Variants in ATP8A1 observed in about 807,000 individuals in gnomAD.
ATP8A1 encodes the protein phospholipid-transporting ATPase IA.
ATP8A1 carries 90 observed loss-of-function variants against 177.7 expected under a neutral mutation model. The ratio of observed to expected loss-of-function variants is 0.51; its 90% CI spans 0.43 to 0.60. The LOEUF (loss-of-function observed/expected upper bound fraction) is 0.60, where lower values mean the gene tolerates loss of function less well. Among genes scored for constraint, ATP8A1 ranks in the 20% least tolerant of loss-of-function variants. The pLI, the probability that ATP8A1 is intolerant of heterozygous loss-of-function variation, is 0.00. For synonymous variants in ATP8A1, 493 were observed against 485.9 expected, an observed-to-expected ratio of 1.01 and a Z score of -0.19; for missense variants, 1,072 against 1,392.8, an observed-to-expected ratio of 0.77 and a Z score of 3.67.
At chr4:42,534,302 A>G (rs1410618467) in intron 20 of ATP8A1, among the ~76,000 whole-genome samples, 2 of 152,202 alleles carry the variant, frequency 1.3e-5, no homozygotes, top group African/African-American at 4.8e-5. Flanking sequence ...AAAAATCTCC[A>G]GTGAAACAGA....
At chr4:42,646,681 G>A (rs1468441619) in intron 1 of ATP8A1, among the ~76,000 whole-genome samples, 1 of 152,148 alleles carries the variant, frequency 6.6e-6, no homozygotes. Flanking sequence ...CAGAACCCAG[G>A]CTGGCTTTGG....
At chr4:42,553,850 G>A (rs1212268355) in intron 16 of ATP8A1, among the ~76,000 whole-genome samples, 2 of 152,192 alleles carry the variant, frequency 1.3e-5, no homozygotes, top group East Asian at 1.9e-4. Context: ...TGACTTGAGC[G>A]AGTCTGTGGT....
chr4:42,460,071 G>A (rs966676789), intron 27 of ATP8A1, among the ~76,000 whole-genome samples: 3 of 152,146 alleles, frequency 2.0e-5, no homozygotes, highest in East Asian at 3.9e-4. Flanking sequence ...GATTACAGGC[G>A]TGAGCCACTG....
Position 42,578,403 on chromosome 4 carries a change from G to A in ATP8A1, c.1001-16C>T. ...GCGCCACCATCTGTTGGGAGAGGCA[G>A]GAAGAACGTCATTTACAGTTTTATA... On this transcript the variant is annotated splice_polypyrimidine_tract_variant and intron_variant, in intron 11 of 36. Coordinates refer to ENST00000381668, the MANE Select transcript of ATP8A1 (RefSeq NM_006095.2). 2 of 1,604,282 alleles carry A rather than the reference G, an allele frequency of 1.2e-6. No homozygotes were observed. Among genetic ancestry groups the A allele is most frequent in the East Asian group, 2.2e-5 (1 of 44,612 alleles).
chr4:42,467,112 A>AT (rs1183214374), intron 25 of ATP8A1, among the ~76,000 whole-genome samples: 1 of 152,198 alleles, frequency 6.6e-6, no homozygotes, highest in Non-Finnish European at 1.5e-5. Context: ...GACATTAGTG[A>AT]TTTTTAAAAA....
chr4:42,598,323 A>G lies in ATP8A1; in HGVS notation c.450+2155T>C, dbSNP rs572441532. Among the ~76,000 whole-genome samples, 192 of 152,252 alleles carry G rather than the reference A, an allele frequency of 1.3e-3. 1 individual carries two copies. Among genetic ancestry groups the G allele is most frequent in the Middle Eastern group, 3.4e-3 (1 of 294 alleles). On this transcript the variant is annotated intron_variant, in intron 6 of 36. Coordinates refer to ENST00000381668, the MANE Select transcript of ATP8A1 (RefSeq NM_006095.2). ...ATTTTTGCCTCCTTTTTCAAATATT[A>G]AACAGGCCTTATTTCAGGGCACTAT...
At chr4:42,481,470 T>C (rs1226910957) in intron 25 of ATP8A1, among the ~76,000 whole-genome samples, 3 of 152,234 alleles carry the variant, frequency 2.0e-5, no homozygotes, top group Non-Finnish European at 4.4e-5. Flanking sequence ...TTCCATCAGA[T>C]ACCCAAACTG....
At chr4:42,617,622 T>C (rs1737050242) in intron 4 of ATP8A1, among the ~76,000 whole-genome samples, 2 of 152,170 alleles carry the variant, frequency 1.3e-5, no homozygotes, top group Admixed American at 1.3e-4. Flanking sequence ...ATTTAGATAT[T>C]CAAAGGAGGC....
chr4:42,485,593 T>C lies in ATP8A1; in HGVS notation c.2227A>G (p.Ile743Val). The C allele has an allele frequency of 1.2e-6, 2 of 1,613,790 alleles. No individual in the cohort carries two copies. Among genetic ancestry groups the C allele is most frequent in the East Asian group, 2.2e-5 (1 of 44,858 alleles). The change falls in exon 25 of 37, where the codon ATA becomes GTA. Residue 743 changes from isoleucine (I) to valine (V), a missense_variant. Ile to Val is a conservative substitution (Grantham distance 29). Coordinates refer to ENST00000381668, the MANE Select transcript of ATP8A1 (RefSeq NM_006095.2). Reference protein sequence around the residue: ...ALRKENDFALIIDGKTLKYAL... With the variant: ...ALRKENDFALVIDGKTLKYAL... ...TATTTGAGGGTTTTCCCATCAATTA[T>C]AAGAGCAAAATCATTCTCTTTCCGG...
chr4:42,563,502 G>T (rs1245558096), intron 15 of ATP8A1, among the ~76,000 whole-genome samples: 2 of 152,240 alleles, frequency 1.3e-5, no homozygotes, highest in East Asian at 3.8e-4. Context: ...GCTGACTGCA[G>T]AAATTTGCAT....
At chr4:42,549,604 T>A (rs1181752361) in intron 18 of ATP8A1, among the ~76,000 whole-genome samples, 3 of 151,834 alleles carry the variant, frequency 2.0e-5, no homozygotes, top group African/African-American at 7.3e-5. Flanking sequence ...GCCTTGGCAA[T>A]ATAGCAAGAC....
At chr4:42,581,837 C>T (rs1357248056) in intron 9 of ATP8A1, 105 bp from the exon 10 acceptor site, 7 of 797,754 alleles carry the variant, frequency 8.8e-6, no homozygotes, top group African/African-American at 7.0e-5. Context: ...TAACCCTTCT[C>T]ATATTTATTT....
chr4:42,415,019 C>T (rs1012455545), intron 35 of ATP8A1: 8 of 262,352 alleles, frequency 3.0e-5, no homozygotes, highest in Non-Finnish European at 5.8e-5. Flanking sequence ...AACACAGAGC[C>T]AGTATAACAC....
At position 42,541,067 on chromosome 4, in the gene ATP8A1, A is replaced by C. The variant is rs1030046429; in HGVS notation, c.1722+2850T>G. ...CTTGAGCCCAGGAATCTGAGGTTATAGTGTGCTATGATCACATCACTGCCC... is the reference window on the plus strand; with the variant it reads ...CTTGAGCCCAGGAATCTGAGGTTATCGTGTGCTATGATCACATCACTGCCC... On this transcript the variant is annotated intron_variant, in intron 20 of 36. Coordinates refer to ENST00000381668, the MANE Select transcript of ATP8A1 (RefSeq NM_006095.2). Among the ~76,000 whole-genome samples, 3 of 152,164 alleles carry C rather than the reference A, an allele frequency of 2.0e-5. 1 individual carries two copies. The highest frequency in any genetic ancestry group is 7.2e-5 in the African/African-American group (3 of 41,442).
chr4:42,626,587 C>T (rs1738121925), intron 2 of ATP8A1: 1 of 200,146 alleles, frequency 5.0e-6, no homozygotes, highest in Non-Finnish European at 1.0e-5. Context: ...AACTTCACAA[C>T]TATCAAAAAC....
At position 42,423,692 on chromosome 4, in the gene ATP8A1, A is replaced by G. The variant is rs779853519; in HGVS notation, c.3137T>C (p.Phe1046Ser). The change falls in exon 34 of 37, where the codon TTC (phenylalanine) becomes TCC (serine). Residue 1046 changes from phenylalanine to serine, a missense_variant. By Grantham distance (155) the Phe-to-Ser change is radical (BLOSUM62 -2). Transcript: ENST00000381668. ...PDMSGEAAML[F>S]SSGVFWMGLL... The stretch of plus-strand genomic sequence containing the variant: ...GCCCATCCAAAAGACTCCAGAACTG[A>G]ACAACATGGCTGCCTGTGTAAATCG... The G allele has an allele frequency of 1.2e-6, 2 of 1,611,744 alleles. No individual in the cohort carries two copies. Among genetic ancestry groups the G allele is most frequent in the Non-Finnish European group, 1.7e-6 (2 of 1,178,884 alleles).
intron 33 of ATP8A1, among the ~76,000 whole-genome samples, chr4:42,439,256 A>G (rs4521379): frequency 0.99 from 150,058 of 152,310 alleles, 73,950 homozygotes; most frequent in East Asian, 1. Flanking sequence ...TGGAAGACAA[A>G]CTCAGAGGCA....
rs1248729184 is a variant in ATP8A1, at chr4:42,555,985, T to C, written c.1396A>G (p.Asn466Asp). 2.5e-6 allele frequency: 4 copies of C among 1,610,040 alleles called. No homozygotes were observed. Among genetic ancestry groups the C allele is most frequent in the African/African-American group, 1.3e-5 (1 of 74,816 alleles). ...TAACTTACATGATTATTTTGGAGAT[T>C]TTCCAGCAATGATGAATCACTAAAT... ...KTFSDSSLLE[N>D]LQNNHPTAPI... is the part of the protein sequence containing the mutation. The change falls in exon 16 of 37, where the codon AAT becomes GAT. Residue 466 changes from asparagine to aspartate, a missense_variant. Coordinates refer to ENST00000381668, the MANE Select transcript of ATP8A1 (RefSeq NM_006095.2).
At chr4:42,553,449 A>T (rs1005441723) in intron 16 of ATP8A1, among the ~76,000 whole-genome samples, 1 of 152,198 alleles carries the variant, frequency 6.6e-6, no homozygotes, top group Non-Finnish European at 1.5e-5. Context: ...TCCTATGTCC[A>T]GGGGACTCTT....
Sources: allele counts gnomAD v4.1 joint callset (sites outside exome capture counted in the v4.1 genomes callset), GRCh38; gene constraint gnomAD v4.1.1; transcripts MANE v1.5; gene names NCBI Gene and HGNC (gene_info 2026-07-23, HGNC 2026-07-21).